Variants in NRTN observed in about 807,000 individuals in gnomAD.
The protein encoded by NRTN is neurturin.
A neutral mutation model predicts 7.5 loss-of-function variants in NRTN; 3 were observed. The ratio of observed to expected loss-of-function variants is 0.40; its 90% confidence interval spans 0.18 to 1.03. NRTN has a LOEUF of 1.03. Among genes scored for constraint, NRTN ranks in the 50% least tolerant of loss-of-function variants. The pLI is 0.34. For synonymous variants in NRTN, 157 were observed against 146.6 expected (o/e 1.07, Z -0.51); for missense variants, 310 against 307.0 (o/e 1.01, Z -0.07).
chr19:5,812,783 C>T (rs1276742166), intron 1 of NRTN, among the ~76,000 whole-genome samples: 1 of 152,232 alleles, frequency 6.6e-6, no homozygotes, highest in Admixed American at 6.5e-5. Flanking sequence ...ACCAGTGGAA[C>T]CTCAGGGAAC....
At chr19:5,820,509 T>C (rs2057020337) in intron 1 of NRTN, among the ~76,000 whole-genome samples, 1 of 146,612 alleles carries the variant, frequency 6.8e-6, no homozygotes, top group African/African-American at 2.5e-5. Context: ...GAGGTTGCAG[T>C]GAGCCGAGAT....
At chr19:5,809,493 G>T (rs5826903) in intron 1 of NRTN, among the ~76,000 whole-genome samples, 2,402 of 148,136 alleles carry the variant, frequency 0.016, 73 homozygotes, top group African/African-American at 0.055. Context: ...TTTTTTTTTT[G>T]TTGTTGTTTA....
At chr19:5,825,583 G>A (rs2057043030) in intron 2 of NRTN, among the ~76,000 whole-genome samples, 1 of 152,232 alleles carries the variant, frequency 6.6e-6, no homozygotes, top group African/African-American at 2.4e-5. Flanking sequence ...AGACCCGGGC[G>A]GGACCCCCAA....
rs955289827 is a variant in NRTN at position 5,828,307 on chromosome 19, T to G, written c.*134T>G. On this transcript the variant is annotated 3_prime_UTR_variant, in exon 3 of 3. Coordinates refer to ENST00000303212, the MANE Select transcript of NRTN (RefSeq NM_004558.5). Reference sequence around the variant, plus strand: ...GACTCTCGCGATAACTGTACTGAGATAAAGTGTGGCAACTCGAGCTGGCTG... The same window carrying G: ...GACTCTCGCGATAACTGTACTGAGAGAAAGTGTGGCAACTCGAGCTGGCTG... The G allele has an allele frequency of 2.0e-6, 2 of 999,906 alleles. No homozygotes were observed. Among genetic ancestry groups the G allele is most frequent in the Non-Finnish European group, 2.8e-6 (2 of 721,884 alleles). The allele number at this position is 999,906 out of a possible 1,614,324, so 61.9% of individuals were successfully genotyped here. A position where few individuals can be genotyped will look rare whatever the true frequency, so the allele number is the denominator to read the frequency against.
rs200479469 is a variant in NRTN, at chr19:5,827,745, G to T, written c.170-4G>T. On this transcript the variant is annotated splice_region_variant and splice_polypyrimidine_tract_variant and intron_variant, in intron 2 of 2. Coordinates refer to ENST00000303212, the MANE Select transcript of NRTN (RefSeq NM_004558.5). ...CCCCCTCCTTTCTCTTCCTCCCCTC[G>T]CAGACCGTGCACTCCTGCAGGGGGC... 1 of 1,175,154 alleles carries T rather than the reference G, an allele frequency of 8.5e-7. No homozygotes were observed. The highest frequency in any genetic ancestry group is 1.1e-6 in the Non-Finnish European group (1 of 949,398). The allele number at this position is 1,175,154 out of a possible 1,614,324, so 72.8% of individuals were successfully genotyped here.
Position 5,813,195 on chromosome 19 carries a change from C to T in NRTN, c.-399+7744C>T, listed in dbSNP as rs560862239. On this transcript the variant is annotated intron_variant, in intron 1 of 2. Coordinates refer to ENST00000303212, the MANE Select transcript of NRTN (RefSeq NM_004558.5). ...TTCGAGACCAGCCTGGGTAACATGG[C>T]GAGACTTTGTCTCTATTAAAAAAAA... 4.0e-5 allele frequency among the ~76,000 whole-genome samples: 6 copies of T among 149,850 alleles called. No homozygotes were observed. The South Asian group carries it at 8.5e-4, about 21-fold the overall frequency.
intron 1 of NRTN, among the ~76,000 whole-genome samples, chr19:5,815,478 C>T (rs1354113707): frequency 1.4e-5 from 2 of 145,500 alleles, no homozygotes; most frequent in Non-Finnish European, 3.0e-5. Flanking sequence ...GTCACCCAGG[C>T]TGGAGTACAG....
At position 5,805,083 on chromosome 19, in the gene NRTN, C is replaced by G. The variant is rs2056970831; in HGVS notation, c.-767C>G. Among the ~76,000 whole-genome samples, 1 of 146,676 alleles carries G rather than the reference C, an allele frequency of 6.8e-6. No homozygotes were observed. The highest frequency in any genetic ancestry group is 6.7e-5 in the Admixed American group (1 of 14,824). ...GGGACGGGCGGAGGCGGCGGGAGAG[C>G]GCGCCCTGAAGCCGCTCCGAGTGCC... On this transcript the variant is annotated 5_prime_UTR_variant, in exon 1 of 3. Coordinates refer to ENST00000303212, the MANE Select transcript of NRTN (RefSeq NM_004558.5).
chr19:5,828,158 G>A lies in NRTN; in HGVS notation c.579G>A (p.Glu193=). Residue 193 remains glutamate, a synonymous_variant, in exon 3 of 3, where the codon GAG becomes GAA. Coordinates refer to ENST00000303212, the MANE Select transcript of NRTN (RefSeq NM_004558.5). ...CGGTGCACGAGCTGTCGGCGCGCGA[G>A]TGCGCCTGCGTGTGACCCTACCTCA... The part of the protein sequence containing the change: ...YHTVHELSAR[E]CACV 1 of 1,530,128 alleles carries A rather than the reference G, an allele frequency of 6.5e-7. No homozygotes were observed. The highest frequency in any genetic ancestry group is 8.7e-7 in the Non-Finnish European group (1 of 1,144,216). 94.8% of individuals were successfully genotyped at this position (1,530,128 alleles called of 1,614,324 possible).
At position 5,828,259 on chromosome 19, in the gene NRTN, A is replaced by C; in HGVS notation, c.*86A>C. 7.1e-7 allele frequency: 1 copy of C among 1,403,940 alleles called. No individual in the cohort carries two copies. Among genetic ancestry groups the C allele is most frequent in the Non-Finnish European group, 9.5e-7 (1 of 1,050,684 alleles). The allele number at this position is 1,403,940 out of a possible 1,614,324, so 87.0% of individuals were successfully genotyped here. A position where few individuals can be genotyped will look rare whatever the true frequency, so the allele number is the denominator to read the frequency against. On this transcript the variant is annotated 3_prime_UTR_variant, in exon 3 of 3. Transcript: ENST00000303212. ...GCCCCGCGAAAGACTGCGCGTGCGT[A>C]GAGCACGCCGGCGCGGCCCCGGGAC...
intron 2 of NRTN, among the ~76,000 whole-genome samples, chr19:5,826,548 C>T (rs939390716): frequency 1.3e-5 from 2 of 152,224 alleles, no homozygotes; most frequent in Non-Finnish European, 2.9e-5. Context: ...CAGACAGCCC[C>T]TCCTTCCCCA....
chr19:5,821,475 G>A (rs1568399069), intron 1 of NRTN, among the ~76,000 whole-genome samples: 1 of 151,654 alleles, frequency 6.6e-6, no homozygotes. Flanking sequence ...GCTAATTTTT[G>A]TATTTGTAGT....
Position 5,827,988 on chromosome 19 carries a change from G to A in NRTN, c.409G>A (p.Ala137Thr), listed in dbSNP as rs750056475. 3 of 1,462,270 alleles carry A rather than the reference G, an allele frequency of 2.1e-6. No homozygotes were observed. The highest frequency in any genetic ancestry group is 1.4e-5 in the South Asian group (1 of 73,816). The allele number at this position is 1,462,270 out of a possible 1,614,324, so 90.6% of individuals were successfully genotyped here. ...FRYCAGACEA[A>T]ARVYDLGLRR... The stretch of plus-strand genomic sequence containing the variant: ...CTACTGCGCAGGCGCCTGCGAGGCT[G>A]CCGCGCGCGTCTACGACCTCGGGCT... The change falls in exon 3 of 3, where the codon GCC becomes ACC. Residue 137 changes from alanine (A) to threonine (T), a missense_variant. Physicochemically the swap from Ala to Thr is moderately conservative, Grantham distance 58. Coordinates refer to ENST00000303212, the MANE Select transcript of NRTN (RefSeq NM_004558.5).
At position 5,806,879 on chromosome 19, in the gene NRTN, G is replaced by T. The variant is rs959703392; in HGVS notation, c.-399+1428G>T. Reference sequence around the variant, plus strand: ...GAAGGGACTCAAAAAGTTTGCAGCCGGGCACAACACAATCAAAAGATTGTT... The same window carrying T: ...GAAGGGACTCAAAAAGTTTGCAGCCTGGCACAACACAATCAAAAGATTGTT... On this transcript the variant is annotated intron_variant, in intron 1 of 2. Coordinates refer to ENST00000303212, the MANE Select transcript of NRTN (RefSeq NM_004558.5). This position sits in a 1 kb window ranked among gnomAD's most constrained non-coding sequence, Gnocchi z 5.4. Among the ~76,000 whole-genome samples, 1 of 152,148 alleles carries T rather than the reference G, an allele frequency of 6.6e-6. No homozygotes were observed. The highest frequency in any genetic ancestry group is 1.5e-5 in the Non-Finnish European group (1 of 68,036).
At chr19:5,823,441 A>G (rs1166305755) in intron 1 of NRTN, among the ~76,000 whole-genome samples, 1 of 152,028 alleles carries the variant, frequency 6.6e-6, no homozygotes, top group Non-Finnish European at 1.5e-5. Context: ...GAAAAAGAGA[A>G]AGAAAGGGGA....
rs1367349283 is a variant in NRTN, at chr19:5,823,984, G to A, written c.-182G>A. On this transcript the variant is annotated 5_prime_UTR_variant, in exon 2 of 3. Coordinates refer to ENST00000303212, the MANE Select transcript of NRTN (RefSeq NM_004558.5). ...GGTTCCCTGTGACTCCTGGCACGGA[G>A]GCCAACCCCTTCCTTGTTCAATGGT... 9 of 838,074 alleles carry A rather than the reference G, an allele frequency of 1.1e-5. No homozygotes were observed. In the East Asian group the frequency reaches 2.4e-4, roughly 22 times the overall value. The allele number at this position is 838,074 out of a possible 1,614,324, so 51.9% of individuals were successfully genotyped here.
intron 1 of NRTN, among the ~76,000 whole-genome samples, chr19:5,812,668 G>T (rs563767706): frequency 2.0e-5 from 3 of 152,236 alleles, no homozygotes; most frequent in African/African-American, 7.2e-5. Flanking sequence ...GCACATTTTT[G>T]TGGGCTGTGG....
At chr19:5,813,012 C>T (rs1247072825) in intron 1 of NRTN, among the ~76,000 whole-genome samples, 1 of 152,184 alleles carries the variant, frequency 6.6e-6, no homozygotes, top group Non-Finnish European at 1.5e-5. Context: ...GCACAAGAGC[C>T]ACTTGGTCAA....
intron 1 of NRTN, among the ~76,000 whole-genome samples, chr19:5,812,813 A>ACAGGAGAC (rs1376790698): frequency 6.6e-6 from 1 of 152,228 alleles, no homozygotes; most frequent in African/African-American, 2.4e-5. Context: ...CGATCTAGGA[A>ACAGGAGAC]CAGGAGACCA....
Sources: allele counts gnomAD v4.1 joint callset (sites outside exome capture counted in the v4.1 genomes callset), GRCh38; gene constraint gnomAD v4.1.1; non-coding constraint Gnocchi (gnomAD v3.1); transcripts MANE v1.5; gene names NCBI Gene and HGNC (gene_info 2026-07-23, HGNC 2026-07-21).